UBAC2: variants seen among roughly 807,000 people sequenced by gnomAD.
UBAC2 encodes UBA domain containing 2.
UBAC2 carries 26 observed loss-of-function variants against 44.0 expected under a neutral mutation model. The observed-to-expected ratio is 0.59, with a 90% CI of 0.43 to 0.82. The LOEUF (loss-of-function observed/expected upper bound fraction) is 0.82, where lower values mean the gene tolerates loss of function less well. Ranked by LOEUF, UBAC2 falls within the 40% of genes least tolerant of loss-of-function variation. The probability of loss-of-function intolerance (pLI) is 0.00; values close to 1 mark genes in which losing one functional copy is unlikely to be tolerated. For missense variants in UBAC2, 329 were observed against 419.4 expected, an observed-to-expected ratio of 0.78 and a Z score of 1.88; for synonymous variants, 155 against 154.3, an observed-to-expected ratio of 1.00 and a Z score of -0.04.
chr13:99,209,940 C>T (rs34209917), intron 1 of UBAC2, among the ~76,000 whole-genome samples: 86,803 of 152,116 alleles, frequency 0.57, 26,640 homozygotes, highest in Non-Finnish European at 0.71. Flanking sequence ...TGCCATTCCA[C>T]TGCACTCCAG....
At chr13:99,263,950 G>A (rs1489831471) in intron 4 of UBAC2, among the ~76,000 whole-genome samples, 1 of 152,206 alleles carries the variant, frequency 6.6e-6, no homozygotes, top group African/African-American at 2.4e-5. Context: ...TGAAAATACA[G>A]TGCTTAGGAT....
chr13:99,240,624 A>G (rs561497003), intron 2 of UBAC2, among the ~76,000 whole-genome samples: 21 of 152,270 alleles, frequency 1.4e-4, no homozygotes, highest in African/African-American at 2.2e-4. Context: ...GCAGTTTCCT[A>G]TGTGCTCTCG....
intron 4 of UBAC2, chr13:99,307,987 A>G (rs1327977835): frequency 6.6e-6 from 1 of 152,228 alleles, no homozygotes; most frequent in East Asian, 1.9e-4. Flanking sequence ...CTGTGTGAGT[A>G]CTTGAATAAC....
chr13:99,214,309 TG>T (rs2042967351), intron 1 of UBAC2, among the ~76,000 whole-genome samples: 1 of 151,974 alleles, frequency 6.6e-6, no homozygotes, highest in African/African-American at 2.4e-5. Flanking sequence ...GGATCTTGCT[TG>T]GCCGTTCTTG....
At chr13:99,252,862 A>G (rs1021129830) in intron 4 of UBAC2, among the ~76,000 whole-genome samples, 8 of 152,168 alleles carry the variant, frequency 5.3e-5, no homozygotes, top group African/African-American at 1.4e-4. Context: ...TTTTGTATCA[A>G]TAGAATCTTT....
chr13:99,314,669 A>G lies in UBAC2; in HGVS notation c.513+449A>G, dbSNP rs41308570. 577 of 153,394 alleles carry G rather than the reference A, an allele frequency of 3.8e-3. 6 individuals carry two copies. Among genetic ancestry groups the G allele is most frequent in the South Asian group, 0.01 (51 of 4,888 alleles). The allele number at this position is 153,394 out of a possible 1,614,324, so 9.5% of individuals were successfully genotyped here. On this transcript the variant is annotated intron_variant, in intron 5 of 8. Coordinates refer to ENST00000403766, the MANE Select transcript of UBAC2 (RefSeq NM_001144072.2). Reference sequence around the variant, plus strand: ...ACCAACCCGAGCTTTGGGGTTTTCAAGAAGCATTGTCAGCTTGATTATTTC... The same window carrying G: ...ACCAACCCGAGCTTTGGGGTTTTCAGGAAGCATTGTCAGCTTGATTATTTC...
Position 99,347,655 on chromosome 13 carries a change from C to CTATAGA in UBAC2, c.807+7091_807+7092insATAGAT, listed in dbSNP as rs1194583935. ...TGATGAACAGTGACCAGGGTGATGG[C>CTATAGA]TCTATAGATCTCACTTCAACTGAGA... is the stretch of plus-strand genomic sequence containing the variant. On this transcript the variant is annotated intron_variant, in intron 7 of 8. Transcript: ENST00000403766. Among the ~76,000 whole-genome samples the CTATAGA allele has an allele frequency of 9.9e-5, 15 of 151,840 alleles. No homozygotes were observed. The East Asian group carries it at 2.7e-3, about 27-fold the overall frequency.
intron 4 of UBAC2, among the ~76,000 whole-genome samples, chr13:99,272,119 T>C (rs1026078344): frequency 6.6e-6 from 1 of 152,316 alleles, no homozygotes; most frequent in East Asian, 1.9e-4. Flanking sequence ...CAGCTCTCTT[T>C]CCTTGAGCTG....
chr13:99,249,274 A>G (rs550237902), intron 4 of UBAC2, among the ~76,000 whole-genome samples: 4 of 151,852 alleles, frequency 2.6e-5, no homozygotes, highest in African/African-American at 9.7e-5. Context: ...TCCCACTTTT[A>G]AGTGAGTTCA....
At chr13:99,282,006 C>T (rs1202552511) in intron 4 of UBAC2, among the ~76,000 whole-genome samples, 27 of 152,192 alleles carry the variant, frequency 1.8e-4, no homozygotes, top group Non-Finnish European at 4.4e-5. Flanking sequence ...ACATGAAGGG[C>T]AGTGGCATCA....
intron 7 of UBAC2, among the ~76,000 whole-genome samples, chr13:99,346,475 C>G (rs892692064): frequency 2.0e-5 from 3 of 152,238 alleles, no homozygotes; most frequent in Admixed American, 6.5e-5. Flanking sequence ...TTTCTGCTGC[C>G]GTGTGCAAGC....
At chr13:99,206,829 C>T (rs1411426181) in intron 1 of UBAC2, among the ~76,000 whole-genome samples, 1 of 152,206 alleles carries the variant, frequency 6.6e-6, no homozygotes, top group African/African-American at 2.4e-5. Context: ...ATCTCTTCAC[C>T]CACCATCTCA....
rs566744694 is a variant in UBAC2, at chr13:99,351,291, G to C, written c.807+10726G>C. Among the ~76,000 whole-genome samples, 6 of 152,264 alleles carry C rather than the reference G, an allele frequency of 3.9e-5. No homozygotes were observed. The East Asian group carries it at 1.2e-3, about 29-fold the overall frequency. On this transcript the variant is annotated intron_variant, in intron 7 of 8. Transcript: ENST00000403766. ...GAGCCAACCTTGATAGTTATTACTC[G>C]TAAAAGCTTGTAACCTCTAGAGCAA...
At chr13:99,202,072 C>CAAAAAAA (rs776251286) in intron 1 of UBAC2, among the ~76,000 whole-genome samples, 1 of 71,962 alleles carries the variant, frequency 1.4e-5, no homozygotes, top group African/African-American at 5.5e-5. Context: ...GACTCCATCT[C>CAAAAAAA]AAAAAAAAAA....
chr13:99,228,851 A>G (rs1457922049), intron 1 of UBAC2, among the ~76,000 whole-genome samples: 2 of 152,210 alleles, frequency 1.3e-5, no homozygotes, highest in Non-Finnish European at 1.5e-5. Context: ...TAATGGTTCT[A>G]GTTTAGATGC....
At chr13:99,205,205 G>A (rs1441899341) in intron 1 of UBAC2, among the ~76,000 whole-genome samples, 1 of 152,156 alleles carries the variant, frequency 6.6e-6, no homozygotes, top group Non-Finnish European at 1.5e-5. Context: ...CCCGGTTGGG[G>A]GAGTTTCTTT....
At chr13:99,327,024 A>G (rs1049435694) in intron 6 of UBAC2, among the ~76,000 whole-genome samples, 13 of 152,084 alleles carry the variant, frequency 8.5e-5, no homozygotes, top group African/African-American at 2.9e-4. Context: ...AGCAGACTCT[A>G]TTTTCTTCGT....
intron 1 of UBAC2, among the ~76,000 whole-genome samples, chr13:99,218,926 G>T (rs2043025819): frequency 6.6e-6 from 1 of 152,122 alleles, no homozygotes; most frequent in Non-Finnish European, 1.5e-5. Context: ...GAAGTGCAAG[G>T]TGTCTCTTGC....
chr13:99,283,092 C>T lies in UBAC2; in HGVS notation c.390-31005C>T, dbSNP rs180861824. On this transcript the variant is annotated intron_variant, in intron 4 of 8. Coordinates refer to ENST00000403766, the MANE Select transcript of UBAC2 (RefSeq NM_001144072.2). ...GTAGCTCAGAGAATATTTAGGAAGG[C>T]AAATAATCAGTCATGGGTACACCAG... 2.6e-5 allele frequency among the ~76,000 whole-genome samples: 4 copies of T among 152,282 alleles called. No individual in the cohort carries two copies. In the East Asian group the frequency reaches 7.7e-4, roughly 29 times the overall value.
Sources: gnomAD v4.1 joint callset for allele counts (sites outside exome capture counted in the v4.1 genomes callset) on GRCh38, gnomAD v4.1.1 for gene constraint, MANE v1.5 for transcripts, NCBI Gene and HGNC (gene_info 2026-07-23, HGNC 2026-07-21) for gene names.